Variants in OPA1 observed in about 807,000 individuals in gnomAD.
OPA1 encodes the protein OPA1 mitochondrial dynamin like GTPase, also known as dynamin-like GTPase OPA1, mitochondrial.
Under a neutral mutation model 152.9 loss-of-function variants are expected in OPA1, and 59 were observed. The observed-to-expected ratio is 0.39, with a 90% confidence interval of 0.31 to 0.48. The LOEUF is 0.48. OPA1 is among the 20% of genes least tolerant of loss of function. OPA1 has a pLI of 0.96. For synonymous variants in OPA1, 400 were observed against 389.9 expected (o/e 1.03, Z -0.31); for missense variants, 1,008 against 1,216.8 (o/e 0.83, Z 2.55).
In OPA1 at chr3:193,695,029, TG is replaced by T. The variant is rs1194039609; in HGVS notation, c.*430del. ...ATAGCAATTGTTTAAAGTTATCAAT[TG>T]TATATAAAATCACAGTAGCCTGCTA... On this transcript the variant is annotated 3_prime_UTR_variant, in exon 31 of 31. Coordinates refer to ENST00000361510, the MANE Select transcript of OPA1 (RefSeq NM_130837.3). 3 of 152,364 alleles carry T rather than the reference TG, an allele frequency of 2.0e-5. No individual in the cohort carries two copies. The highest frequency in any genetic ancestry group is 4.1e-4 in the South Asian group (2 of 4,832). The allele number at this position is 152,364 out of a possible 1,614,324, so 9.4% of individuals were successfully genotyped here. A position where few individuals can be genotyped will look rare whatever the true frequency, so the allele number is the denominator to read the frequency against.
intron 16 of OPA1, among the ~76,000 whole-genome samples, chr3:193,645,142 G>T (rs374892945): frequency 1.3e-5 from 2 of 152,074 alleles, no homozygotes; most frequent in African/African-American, 4.8e-5. Flanking sequence ...GATATTTGAA[G>T]AAAGTATGGA....
At chr3:193,646,679 G>T (rs903991) in intron 18 of OPA1, 22,649 of 155,146 alleles carry the variant, frequency 0.15, 1,947 homozygotes, top group East Asian at 0.33. Flanking sequence ...CGGGAGAATC[G>T]CTTGAACCCC....
intron 29 of OPA1, chr3:193,691,574 G>A (rs1012245470): frequency 6.6e-6 from 1 of 152,506 alleles, no homozygotes; most frequent in East Asian, 1.9e-4. Context: ...ATTTCAATAT[G>A]GCCATATTGA....
chr3:193,599,947 TG>T (rs1726210662), intron 1 of OPA1, among the ~76,000 whole-genome samples: 1 of 152,224 alleles, frequency 6.6e-6, no homozygotes, highest in South Asian at 2.1e-4. Flanking sequence ...GCTCGGCGTT[TG>T]CCTTATTTGA....
At chr3:193,674,494 G>T (rs1677979729) in intron 29 of OPA1, among the ~76,000 whole-genome samples, 1 of 152,158 alleles carries the variant, frequency 6.6e-6, no homozygotes, top group Non-Finnish European at 1.5e-5. Flanking sequence ...TAAAAGCTAG[G>T]ATTAGAAATG....
Position 193,626,185 on chromosome 3 carries a change from G to C in OPA1, c.772G>C (p.Ala258Pro). The C allele has an allele frequency of 1.9e-6, 3 of 1,613,648 alleles. No individual in the cohort carries two copies. The South Asian group carries it at 3.3e-5, about 18-fold the overall frequency. ...CGCTGGCCAATATAGCACGAGCTAT[G>C]CCCAACAGAAGCGCAAGGTGATGGA... ...RAAGQYSTSY[A>P]QQKRKVSDKE... The change falls in exon 7 of 31, where the codon GCC becomes CCC. Residue 258 changes from alanine (A) to proline (P), a missense_variant. By Grantham distance (27) the Ala-to-Pro change is conservative. Coordinates refer to ENST00000361510, the MANE Select transcript of OPA1 (RefSeq NM_130837.3).
chr3:193,656,400 A>G (rs1460033963), intron 22 of OPA1, among the ~76,000 whole-genome samples: 1 of 152,134 alleles, frequency 6.6e-6, no homozygotes, highest in Admixed American at 6.5e-5. Flanking sequence ...AAAAGCCCAC[A>G]TAGTTATAAG....
At chr3:193,646,835 A>T (rs1734719076) in intron 18 of OPA1, among the ~76,000 whole-genome samples, 1 of 152,174 alleles carries the variant, frequency 6.6e-6, no homozygotes, top group Non-Finnish European at 1.5e-5. Flanking sequence ...ACAAAATTCA[A>T]AATACAGTTC....
At position 193,697,071 on chromosome 3, in the gene OPA1, C is replaced by T. The variant is rs1722309400; in HGVS notation, c.*2471C>T. The T allele has an allele frequency of 6.6e-6, 1 of 152,200 alleles. No individual in the cohort carries two copies. 9.4% of individuals were successfully genotyped at this position (152,200 alleles called of 1,614,324 possible). ...GAATGATATAAAAATAAGTAGGGAA[C>T]ATGGCAGAGAGTGGTGCTTCCCAGC... On this transcript the variant is annotated 3_prime_UTR_variant, in exon 31 of 31. Transcript: ENST00000361510.
chr3:193,662,759 A>T, intron 25 of OPA1, 63 bp from the exon 26 acceptor site: 3 of 1,345,210 alleles, frequency 2.2e-6, no homozygotes, highest in Non-Finnish European at 3.2e-6. Context: ...TAAAATTGAG[A>T]CTGTTTTTCA....
At chr3:193,658,331 A>G (rs1486478014) in intron 23 of OPA1, among the ~76,000 whole-genome samples, 1 of 152,018 alleles carries the variant, frequency 6.6e-6, no homozygotes. Context: ...AAACAGCTTC[A>G]TTTTTATTCA....
chr3:193,601,249 C>A (rs113048127), intron 1 of OPA1, among the ~76,000 whole-genome samples: 11 of 152,020 alleles, frequency 7.2e-5, no homozygotes, highest in African/African-American at 2.7e-4. Context: ...AATCTTTCCC[C>A]GGTAGAAACT....
intron 22 of OPA1, among the ~76,000 whole-genome samples, chr3:193,655,682 A>C (rs768715494): frequency 6.6e-6 from 1 of 152,176 alleles, no homozygotes; most frequent in Non-Finnish European, 1.5e-5. Context: ...AAGTAATTAT[A>C]TGTAAAATAC....
rs563769658 is a variant in OPA1, at chr3:193,669,474, G to A, written c.2983+2194G>A. ...CTACTAGCTGTGTCATCTTCGGCAG[G>A]GAATCTCCCAGAGCCTTAGCTTCTT... On this transcript the variant is annotated intron_variant, in intron 29 of 30. Transcript: ENST00000361510. Among the ~76,000 whole-genome samples, 9 of 152,198 alleles carry A rather than the reference G, an allele frequency of 5.9e-5. No individual in the cohort carries two copies. In the South Asian group the frequency reaches 1.9e-3, roughly 32 times the overall value.
Position 193,614,710 on chromosome 3 carries a change from AT to A in OPA1, c.33-8del. On this transcript the variant is annotated splice_polypyrimidine_tract_variant and intron_variant, in intron 1 of 30. Coordinates refer to ENST00000361510, the MANE Select transcript of OPA1 (RefSeq NM_130837.3). ...CCTCTCTGATCTTTCTTCCATATTC[AT>A]TTTTCTTTCAGTGAGGTCTGCCAGT... is the stretch of plus-strand genomic sequence containing the variant. 2 of 1,598,450 alleles carry A rather than the reference AT, an allele frequency of 1.3e-6. No homozygotes were observed. Among genetic ancestry groups the A allele is most frequent in the South Asian group, 1.1e-5 (1 of 90,724 alleles).
intron 26 of OPA1, among the ~76,000 whole-genome samples, 181 bp from the exon 27 acceptor site, chr3:193,664,699 C>G (rs964061361): frequency 1.3e-5 from 2 of 151,948 alleles, no homozygotes; most frequent in Non-Finnish European, 2.9e-5. Context: ...AGTAGTAAAT[C>G]TAATCTTTGC....
intron 29 of OPA1, among the ~76,000 whole-genome samples, chr3:193,680,166 T>C (rs987812523): frequency 1.3e-5 from 2 of 152,148 alleles, no homozygotes; most frequent in African/African-American, 4.8e-5. Context: ...TCTTTTTTTA[T>C]GAATTTTTAG....
intron 1 of OPA1, among the ~76,000 whole-genome samples, chr3:193,607,793 T>G (rs1234547598): frequency 6.6e-6 from 1 of 152,236 alleles, no homozygotes; most frequent in Non-Finnish European, 1.5e-5. Flanking sequence ...TCCAATTCTG[T>G]GAAGAAAGTC....
chr3:193,665,910 A>G (rs911611583), intron 27 of OPA1, among the ~76,000 whole-genome samples: 10 of 152,226 alleles, frequency 6.6e-5, no homozygotes, highest in African/African-American at 2.4e-4. Context: ...GCTTGAGTAC[A>G]GACTCAAAGA....
Sources: gnomAD v4.1 joint callset for allele counts (sites outside exome capture counted in the v4.1 genomes callset) on GRCh38, gnomAD v4.1.1 for gene constraint, MANE v1.5 for transcripts, NCBI Gene and HGNC (gene_info 2026-07-23, HGNC 2026-07-21) for gene names.